Variants in MYBL1 observed in about 807,000 individuals in gnomAD.
MYBL1 encodes the protein MYB proto-oncogene like 1, also known as myb-related protein A.
A neutral mutation model predicts 96.3 loss-of-function variants in MYBL1; 17 were observed. The observed-to-expected ratio is 0.18, with a 90% confidence interval of 0.12 to 0.26. The LOEUF is 0.26. MYBL1 is among the 10% of genes least tolerant of loss of function. MYBL1 has a pLI of 1.00. For synonymous variants in MYBL1, 282 were observed against 292.7 expected (o/e 0.96, Z 0.37); for missense variants, 701 against 882.9 (o/e 0.79, Z 2.61).
intron 14 of MYBL1, among the ~76,000 whole-genome samples, 170 bp from the exon 15 acceptor site, chr8:66,566,413 A>T (rs527971188): frequency 5.9e-5 from 9 of 152,284 alleles, no homozygotes; most frequent in African/African-American, 2.2e-4. Context: ...TGAACCAAAG[A>T]TAAACTTTGA....
At position 66,576,023 on chromosome 8, in the gene MYBL1, G is replaced by T. The variant is rs1808924335; in HGVS notation, c.1454C>A (p.Pro485Gln). The T allele has an allele frequency of 1.9e-6, 3 of 1,612,392 alleles. No individual in the cohort carries two copies. The highest frequency in any genetic ancestry group is 2.5e-6 in the Non-Finnish European group (3 of 1,178,742). ...CACCACTACCTGTGAAGGAGAAAAT[G>T]GTAGTGTTTTCAGTGGTGTATGTTT... ...ALKHTPLKTL[P>Q]FSPSQFFNTC... Residue 485 changes from proline to glutamine, a missense_variant, in exon 10 of 16, where the codon CCA becomes CAA. Around this residue, in one of 5 missense-constraint regions of MYBL1, gnomAD observed 396 missense variants for 407.4 expected, o/e 0.97. Transcript: ENST00000522677.
intron 1 of MYBL1, among the ~76,000 whole-genome samples, chr8:66,606,788 TG>T (rs1378013364): frequency 1.3e-5 from 2 of 151,052 alleles, no homozygotes; most frequent in African/African-American, 2.5e-5. Context: ...CATACATGGC[TG>T]TTTTTTTTTT....
chr8:66,577,064 G>T (rs1808984627), intron 9 of MYBL1, among the ~76,000 whole-genome samples: 1 of 151,954 alleles, frequency 6.6e-6, no homozygotes, highest in Admixed American at 6.6e-5. Context: ...ATTAGGTATT[G>T]ATGGGACGTA....
At chr8:66,574,605 C>T (rs955622816) in intron 10 of MYBL1, among the ~76,000 whole-genome samples, 5 of 152,190 alleles carry the variant, frequency 3.3e-5, no homozygotes, top group African/African-American at 1.2e-4. Context: ...CATTAAACTC[C>T]CTTCTTCCTC....
At chr8:66,609,740 C>T (rs943910599) in intron 1 of MYBL1, among the ~76,000 whole-genome samples, 6 of 151,862 alleles carry the variant, frequency 4.0e-5, no homozygotes, top group Non-Finnish European at 8.8e-5. Context: ...AATAAGATTA[C>T]AAAATGTCTT....
chr8:66,607,367 T>C (rs1280347668), intron 1 of MYBL1, among the ~76,000 whole-genome samples: 1 of 152,230 alleles, frequency 6.6e-6, no homozygotes, highest in East Asian at 1.9e-4. Context: ...TTCTTTTTAA[T>C]GTTTATCACA....
chr8:66,584,570 G>A (rs961682127), intron 8 of MYBL1, among the ~76,000 whole-genome samples: 21 of 152,050 alleles, frequency 1.4e-4, no homozygotes, highest in African/African-American at 2.2e-4. Flanking sequence ...AAAATCAGTC[G>A]TGTTTTGGCT....
At chr8:66,579,912 T>TA (rs935159322) in intron 9 of MYBL1, among the ~76,000 whole-genome samples, 3 of 152,070 alleles carry the variant, frequency 2.0e-5, no homozygotes, top group Non-Finnish European at 4.4e-5. Context: ...ACTTATATAA[T>TA]AAAAAATGAA....
chr8:66,602,465 TTTG>T lies in MYBL1; in HGVS notation c.76_78del (p.Gln26del). ...CTGTTCCAGAGTTTCTTCAGTCCTT[TTTG>T]TTGTGGTACTTCATAATCATGATCG... On this transcript the variant is annotated inframe_deletion, in exon 2 of 16. Transcript: ENST00000522677. 10 of 1,609,128 alleles carry T rather than the reference TTTG, an allele frequency of 6.2e-6. No individual in the cohort carries two copies. Among genetic ancestry groups the T allele is most frequent in the Non-Finnish European group, 8.5e-6 (10 of 1,176,986 alleles).
chr8:66,571,687 C>A (rs1808734463), intron 12 of MYBL1, among the ~76,000 whole-genome samples: 1 of 151,562 alleles, frequency 6.6e-6, no homozygotes, highest in South Asian at 2.1e-4. Context: ...TCGAGACCAT[C>A]CTGGCCAACA....
intron 7 of MYBL1, among the ~76,000 whole-genome samples, chr8:66,592,804 T>C (rs1275998398): frequency 6.6e-6 from 1 of 152,140 alleles, no homozygotes; most frequent in Non-Finnish European, 1.5e-5. Flanking sequence ...GAAATGTATG[T>C]CTGAAATATT....
intron 5 of MYBL1, 46 bp downstream of exon 5, chr8:66,597,284 G>T: frequency 1.5e-6 from 2 of 1,320,840 alleles, no homozygotes; most frequent in Non-Finnish European, 2.0e-6. Context: ...AGGTAATAAA[G>T]GTCATGTTTA....
intron 12 of MYBL1, among the ~76,000 whole-genome samples, chr8:66,570,538 A>AT (rs1454396237): frequency 4.6e-5 from 7 of 152,116 alleles, no homozygotes; most frequent in Admixed American, 4.6e-4. Context: ...CTTTCAAATC[A>AT]TTGTTTACTT....
intron 8 of MYBL1, among the ~76,000 whole-genome samples, chr8:66,583,521 G>T (rs1000310745): frequency 6.6e-6 from 1 of 151,524 alleles, no homozygotes; most frequent in African/African-American, 2.4e-5. Context: ...AATAATCAAT[G>T]AAATGAGAAG....
At chr8:66,590,327 T>A (rs140861023) in intron 8 of MYBL1, among the ~76,000 whole-genome samples, 5 of 152,032 alleles carry the variant, frequency 3.3e-5, no homozygotes, top group Non-Finnish European at 7.4e-5. Flanking sequence ...CTTTTCTAAA[T>A]GTAAAAAGGG....
chr8:66,592,496 G>T lies in MYBL1; in HGVS notation c.811C>A (p.Leu271Ile). Residue 271 changes from leucine to isoleucine, a missense_variant, in exon 8 of 16, where the codon CTT (leucine) becomes ATT (isoleucine). Around this residue, in one of 5 missense-constraint regions of MYBL1, gnomAD observed 396 missense variants for 407.4 expected, o/e 0.97. Coordinates refer to ENST00000522677, the MANE Select transcript of MYBL1 (RefSeq NM_001080416.4). ...DPDKEKKIKE[L>I]EMLLMSAENE... ...TCAGCTGACATAAGAAGCATCTCAA[G>T]TTCCTTTATTTTCTTTTCCTTATCA... 5 of 1,602,246 alleles carry T rather than the reference G, an allele frequency of 3.1e-6. No individual in the cohort carries two copies. Among genetic ancestry groups the T allele is most frequent in the Non-Finnish European group, 4.2e-6 (5 of 1,178,226 alleles).
intron 10 of MYBL1, among the ~76,000 whole-genome samples, chr8:66,575,795 TATAAATAA>T (rs371428727): frequency 3.3e-5 from 5 of 151,972 alleles, no homozygotes; most frequent in South Asian, 4.2e-4. Flanking sequence ...GTCTCCAAAA[TATAAATAA>T]ATAAATAAAT....
At position 66,576,888 on chromosome 8, in the gene MYBL1, C is replaced by T. The variant is rs541279018; in HGVS notation, c.1102-513G>A. Among the ~76,000 whole-genome samples the T allele has an allele frequency of 2.0e-5, 3 of 152,238 alleles. 1 individual carries two copies. The highest frequency in any genetic ancestry group is 4.1e-4 in the South Asian group (2 of 4,820). ...ACTAAGCTTATCCACCATGATCAAG[C>T]AGGCTTCATCCCTGGGATGCAAGGC... On this transcript the variant is annotated intron_variant, in intron 9 of 15. Transcript: ENST00000522677.
At chr8:66,592,910 C>G (rs542545116) in intron 7 of MYBL1, among the ~76,000 whole-genome samples, 2 of 152,300 alleles carry the variant, frequency 1.3e-5, no homozygotes, top group African/African-American at 4.8e-5. Flanking sequence ...AATGAAATGA[C>G]TACCATACTG....
Sources: gnomAD v4.1 joint callset for allele counts (sites outside exome capture counted in the v4.1 genomes callset) on GRCh38, gnomAD v4.1.1 for gene constraint, gnomAD v4.1.1 regional missense constraint, MANE v1.5 for transcripts, NCBI Gene and HGNC (gene_info 2026-07-23, HGNC 2026-07-21) for gene names.